The following FANCA variants were observed in gnomAD, a reference collection of about 807,000 sequenced individuals.
The protein encoded by FANCA is FA complementation group A, also known as Fanconi anemia group A protein.
Under a neutral mutation model 194.3 loss-of-function variants are expected in FANCA, and 236 were observed. That is an observed-to-expected ratio of 1.21 (90% CI 1.09 to 1.35). FANCA has a LOEUF of 1.35. Ranked by LOEUF, FANCA falls within the 40% of genes most tolerant of loss-of-function variation. The probability of loss-of-function intolerance (pLI) is 0.00; values close to 1 mark genes in which losing one functional copy is unlikely to be tolerated. For synonymous variants in FANCA, 1,014 were observed against 715.8 expected, an observed-to-expected ratio of 1.42 and a Z score of -6.65; for missense variants, 2,628 against 1,813.9, an observed-to-expected ratio of 1.45 and a Z score of -8.15.
chr16:89,755,756 G>T (rs2038746190), intron 30 of FANCA, among the ~76,000 whole-genome samples: 1 of 152,162 alleles, frequency 6.6e-6, no homozygotes, highest in Non-Finnish European at 1.5e-5. Flanking sequence ...CAATGACAAG[G>T]ATCCATTCTG....
Position 89,815,898 on chromosome 16 carries a change from G to A in FANCA, c.168C>T (p.Asp56=), listed in dbSNP as rs776471268. The A allele has an allele frequency of 3.1e-6, 5 of 1,613,934 alleles. No homozygotes were observed. The South Asian group carries it at 4.4e-5, about 14-fold the overall frequency. ...TTACCTCAAGCAAAAGGGCATTCAG[G>A]TCCTGATGGCTTCGCAGGAGGCGCA... The part of the protein sequence containing the change: ...SAVRLLRSHQ[D]LNALLLEVEG... Residue 56 remains aspartate (D), a synonymous_variant, in exon 2 of 43, where the codon GAC becomes GAT. Coordinates refer to ENST00000389301, the MANE Select transcript of FANCA (RefSeq NM_000135.4).
At chr16:89,746,808 G>A in intron 34 of FANCA, 23 bp downstream of exon 34, 1 of 1,570,794 alleles carries the variant, frequency 6.4e-7, no homozygotes, top group Non-Finnish European at 8.6e-7. Context: ...AAGGCCACGA[G>A]AGGGGCTGAG....
chr16:89,753,209 G>A (rs1383780283), intron 30 of FANCA, among the ~76,000 whole-genome samples: 4 of 152,202 alleles, frequency 2.6e-5, no homozygotes, highest in South Asian at 2.1e-4. Flanking sequence ...CAGTGGACAT[G>A]TGACCCACGT....
At chr16:89,793,028 G>A (rs906664089) in intron 11 of FANCA, among the ~76,000 whole-genome samples, 21 of 152,198 alleles carry the variant, frequency 1.4e-4, no homozygotes, top group Admixed American at 1.0e-3. Context: ...ACATGAAGGT[G>A]GACTAGGAGC....
At chr16:89,749,229 T>C (rs56353725) in intron 32 of FANCA, among the ~76,000 whole-genome samples, 2 of 151,364 alleles carry the variant, frequency 1.3e-5, no homozygotes, top group African/African-American at 2.4e-5. Flanking sequence ...GTTGTTGTTG[T>C]TGAGACAGAG....
chr16:89,745,502 CG>C lies in FANCA; in HGVS notation c.3514-432del, dbSNP rs2038355734. 2.4e-5 allele frequency among the ~76,000 whole-genome samples: 3 copies of C among 127,606 alleles called. 1 individual carries two copies. Among genetic ancestry groups the C allele is most frequent in the Admixed American group, 2.2e-4 (3 of 13,826 alleles). 83.7% of individuals were successfully genotyped at this position (127,606 alleles called of 152,430 possible). On this transcript the variant is annotated intron_variant, in intron 35 of 42. Coordinates refer to ENST00000389301, the MANE Select transcript of FANCA (RefSeq NM_000135.4). ...GGACCACACTCCTCTGAGCTGGGAA[CG>C]AAACAGTGAAGGGACCACACTGCCC...
rs2040847731 is a variant in FANCA, at chr16:89,810,814, G to T, written c.427-12C>A. 1 of 1,612,002 alleles carries T rather than the reference G, an allele frequency of 6.2e-7. No homozygotes were observed. Among genetic ancestry groups the T allele is most frequent in the African/African-American group, 1.3e-5 (1 of 75,020 alleles). ...GAAGACAGCTTCTTCTGAAAAGAGA[G>T]ATTACATTTTTTAAAAAACAAATTA... On this transcript the variant is annotated splice_polypyrimidine_tract_variant and intron_variant, in intron 4 of 42. Coordinates refer to ENST00000389301, the MANE Select transcript of FANCA (RefSeq NM_000135.4).
chr16:89,749,216 T>TTTG (rs17233476), intron 32 of FANCA, among the ~76,000 whole-genome samples: 4 of 152,018 alleles, frequency 2.6e-5, no homozygotes, highest in African/African-American at 7.2e-5. Flanking sequence ...GCAGGAAGGT[T>TTTG]TTGTTGTTGT....
intron 30 of FANCA, among the ~76,000 whole-genome samples, chr16:89,756,045 G>T (rs2038757732): frequency 6.6e-6 from 1 of 152,156 alleles, no homozygotes; most frequent in South Asian, 2.1e-4. Context: ...CAGTATTTGT[G>T]TATCTAAACA....
rs548700933 is a variant in FANCA, at chr16:89,747,463, G to T, written c.3349-573C>A. ...CACCTGTAATCCCAGCACTTTGGGA[G>T]GCCAAGGCGGGTGGATCACGAGGTC... is the stretch of plus-strand genomic sequence containing the variant. On this transcript the variant is annotated intron_variant, in intron 33 of 42. Transcript: ENST00000389301. Among the ~76,000 whole-genome samples, 4 of 152,326 alleles carry T rather than the reference G, an allele frequency of 2.6e-5. No individual in the cohort carries two copies. The South Asian group carries it at 8.3e-4, about 32-fold the overall frequency.
chr16:89,814,663 C>A (rs1253535109), intron 2 of FANCA, 50 bp from the exon 3 acceptor site: 6 of 1,395,486 alleles, frequency 4.3e-6, no homozygotes, highest in East Asian at 2.3e-5. Flanking sequence ...AAGCTCCAGG[C>A]CAGGCGTAGT....
rs146491000 is a variant in FANCA, at chr16:89,775,771, G to A, written c.1871C>T (p.Ala624Val). The A allele has an allele frequency of 1.2e-6, 2 of 1,612,770 alleles. No homozygotes were observed. Among genetic ancestry groups the A allele is most frequent in the African/African-American group, 1.3e-5 (1 of 74,890 alleles). The change falls in exon 21 of 43, where the codon GCC becomes GTC. Residue 624 changes from alanine to valine, a missense_variant. Transcript: ENST00000389301. ...PPSLYSTYCQ[A>V]CSAAEEKPED... ...TGGCTTCTCTTCAGCAGCAGAGCAG[G>A]CCTGGCAGTAGGTGGAGTACAGAGA...
rs990187258 is a variant in FANCA at position 89,779,148 on chromosome 16, C to T, written c.1716-145G>A. ...TATGAAGTCTTCTTGTGCACAGTTC[C>T]GGGACAAGGCATGTGTAGGGCAGGC... On this transcript the variant is annotated intron_variant, in intron 18 of 42. Transcript: ENST00000389301. 73 of 800,922 alleles carry T rather than the reference C, an allele frequency of 9.1e-5. No homozygotes were observed. Among genetic ancestry groups the T allele is most frequent in the African/African-American group, 1.2e-4 (7 of 58,852 alleles). The allele number at this position is 800,922 out of a possible 1,614,324, so 49.6% of individuals were successfully genotyped here.
At chr16:89,765,332 G>A (rs184563101) in intron 27 of FANCA, among the ~76,000 whole-genome samples, 5 of 145,800 alleles carry the variant, frequency 3.4e-5, no homozygotes, top group South Asian at 2.2e-4. Context: ...ACAACCCCAC[G>A]TTCAGGGGAC....
At position 89,798,972 on chromosome 16, in the gene FANCA, G is replaced by T. The variant is rs1391417260; in HGVS notation, c.893+194C>A. On this transcript the variant is annotated intron_variant, in intron 10 of 42. Coordinates refer to ENST00000389301, the MANE Select transcript of FANCA (RefSeq NM_000135.4). ...GCACCTTCCGACCTCATCCTCACAG[G>T]AAAAGGCTGACCAGAGCGTTCCCCG... The T allele has an allele frequency of 6.2e-6, 10 of 1,613,316 alleles. No individual in the cohort carries two copies. The East Asian group carries it at 1.8e-4, about 29-fold the overall frequency.
intron 33 of FANCA, 52 bp downstream of exon 33, chr16:89,748,607 A>G: frequency 1.4e-6 from 2 of 1,397,068 alleles, no homozygotes; most frequent in Non-Finnish European, 2.0e-6. Flanking sequence ...AGCTGCTGTT[A>G]GCGCCACAGG....
chr16:89,793,806 A>G (rs2040157171), intron 11 of FANCA, among the ~76,000 whole-genome samples: 1 of 152,112 alleles, frequency 6.6e-6, no homozygotes, highest in African/African-American at 2.4e-5. Context: ...GCTGGAGTGC[A>G]GTGGTACAAT....
At position 89,739,480 on chromosome 16, in the gene FANCA, G is replaced by A. The variant is rs1278514199; in HGVS notation, c.4008C>T (p.Tyr1336=). The A allele has an allele frequency of 6.4e-7, 1 of 1,551,370 alleles. No individual in the cohort carries two copies. ...ACCAGCCCTGTGGGTGGAGGTACCT[G>A]TAAAAAGCGAAAGGCAGCAGCCTGG... The part of the protein sequence containing the change: ...QHTRLLPFAF[Y]SLLSYFHEDA... Residue 1336 remains tyrosine (Y), a splice_region_variant and synonymous_variant, in exon 40 of 43, where the codon TAC becomes TAT. Transcript: ENST00000389301.
At chr16:89,806,865 T>C (rs572138425) in intron 6 of FANCA, among the ~76,000 whole-genome samples, 79 of 152,244 alleles carry the variant, frequency 5.2e-4, no homozygotes, top group Middle Eastern at 6.8e-3. Context: ...AGCTGTTGGG[T>C]ACACCTCCCA....
Sources: allele counts gnomAD v4.1 joint callset (sites outside exome capture counted in the v4.1 genomes callset), GRCh38; gene constraint gnomAD v4.1.1; transcripts MANE v1.5; gene names NCBI Gene and HGNC (gene_info 2026-07-23, HGNC 2026-07-21).